TFAM: variants seen among roughly 807,000 people sequenced by gnomAD.
The protein encoded by TFAM is mitochondrial transcription factor 1.
In TFAM, 13 loss-of-function variants were observed where a neutral mutation model predicts 30.6. The ratio of observed to expected loss-of-function variants is 0.42; its 90% CI spans 0.28 to 0.67. The LOEUF (loss-of-function observed/expected upper bound fraction) is 0.67. Among genes scored for constraint, TFAM ranks in the 30% least tolerant of loss-of-function variants. The probability of loss-of-function intolerance (pLI) is 0.21; values close to 1 mark genes in which losing one functional copy is unlikely to be tolerated. For missense variants in TFAM, 231 were observed against 293.7 expected, an observed-to-expected ratio of 0.79 and a Z score of 1.56; for synonymous variants, 106 against 94.8, an observed-to-expected ratio of 1.12 and a Z score of -0.69.
Position 58,397,186 on chromosome 10 carries a change from A to G in TFAM, c.*2112A>G, listed in dbSNP as rs1274193260. On this transcript the variant is annotated 3_prime_UTR_variant, in exon 7 of 7. Transcript: ENST00000487519. ...CTTCAGATGAGCTCAGAGAGCACAT[A>G]GGAGTGTTTGTAATGAGGGGTATGT... The G allele has an allele frequency of 6.6e-6, 1 of 152,246 alleles. No individual in the cohort carries two copies. Among genetic ancestry groups the G allele is most frequent in the Non-Finnish European group, 1.5e-5 (1 of 68,066 alleles). 9.4% of individuals were successfully genotyped at this position (152,246 alleles called of 1,614,324 possible). A position where few individuals can be genotyped will look rare whatever the true frequency, so the allele number is the denominator to read the frequency against.
chr10:58,385,486 T>A lies in TFAM; in HGVS notation c.-62T>A. The A allele has an allele frequency of 7.9e-7, 1 of 1,271,424 alleles. No homozygotes were observed. Among genetic ancestry groups the A allele is most frequent in the Non-Finnish European group, 1.1e-6 (1 of 893,028 alleles). The allele number at this position is 1,271,424 out of a possible 1,614,324, so 78.8% of individuals were successfully genotyped here. Reference sequence around the variant, plus strand: ...CGGGTTCCAGTTGTGATTGCTGGAGTTGTGTATTGCCAGGAGGCTCTCCGA... The same window carrying A: ...CGGGTTCCAGTTGTGATTGCTGGAGATGTGTATTGCCAGGAGGCTCTCCGA... On this transcript the variant is annotated 5_prime_UTR_variant, in exon 1 of 7. In the 5' UTR this introduces an upstream ATG that the reference lacks. Coordinates refer to ENST00000487519, the MANE Select transcript of TFAM (RefSeq NM_003201.3).
intron 2 of TFAM, chr10:58,386,695 T>G: frequency 1.8e-6 from 2 of 1,132,382 alleles, no homozygotes; most frequent in Non-Finnish European, 2.2e-6. Context: ...AGTTGCAACT[T>G]CTGTGGAAGC....
At chr10:58,394,540 T>C (rs868533302) in intron 6 of TFAM, 126 bp downstream of exon 6, 2 of 918,674 alleles carry the variant, frequency 2.2e-6, no homozygotes, top group African/African-American at 1.6e-5. Flanking sequence ...TCTAAAATTA[T>C]TTTCATATTC....
At chr10:58,393,104 C>G (rs1411675634) in intron 5 of TFAM, among the ~76,000 whole-genome samples, 1 of 151,772 alleles carries the variant, frequency 6.6e-6, no homozygotes, top group Non-Finnish European at 1.5e-5. Context: ...CTCAGCCTGC[C>G]TAGTAGCTGG....
rs1399424887 is a variant in TFAM at position 58,397,597 on chromosome 10, C to T, written c.*2523C>T. The stretch of plus-strand genomic sequence containing the variant: ...TTTTTTTCCCCCGACATCCAGAATA[C>T]ACACTGGATCCAAGCCTTTCTTAAA... On this transcript the variant is annotated 3_prime_UTR_variant, in exon 7 of 7. Transcript: ENST00000487519. 3.3e-5 allele frequency: 5 copies of T among 151,932 alleles called. No individual in the cohort carries two copies. The highest frequency in any genetic ancestry group is 7.4e-5 in the Non-Finnish European group (5 of 67,976). The allele number at this position is 151,932 out of a possible 1,614,324, so 9.4% of individuals were successfully genotyped here.
intron 4 of TFAM, among the ~76,000 whole-genome samples, chr10:58,390,062 A>G (rs1024020693): frequency 3.3e-5 from 5 of 152,220 alleles, no homozygotes; most frequent in Admixed American, 6.5e-5. Context: ...AGAAGAAACT[A>G]AATCAGAGGA....
In TFAM at chr10:58,385,615, C is replaced by T. The variant is rs1466004823; in HGVS notation, c.68C>T (p.Thr23Ile). ...GGAAGGTCTGGAGCAGAGCTGTGCA[C>T]CGGCTGTGGAAGTCGACTGCGCTCC... ...ALGRSGAELC[T>I]GCGSRLRSPF... The change falls in exon 1 of 7, where the codon ACC becomes ATC. Residue 23 changes from threonine to isoleucine, a missense_variant. Coordinates refer to ENST00000487519, the MANE Select transcript of TFAM (RefSeq NM_003201.3). 8 of 1,564,476 alleles carry T rather than the reference C, an allele frequency of 5.1e-6. No individual in the cohort carries two copies. Among genetic ancestry groups the T allele is most frequent in the South Asian group, 3.5e-5 (3 of 84,894 alleles).
chr10:58,395,132 A>C lies in TFAM; in HGVS notation c.*58A>C, dbSNP rs534313239. ...AGGCACAGGAAACCAGTTAGGTCTC[A>C]ATACCTGAAGCTATCGTAAAATTAA... On this transcript the variant is annotated 3_prime_UTR_variant, in exon 7 of 7. Transcript: ENST00000487519. 560 of 1,528,346 alleles carry C rather than the reference A, an allele frequency of 3.7e-4. No homozygotes were observed. Among genetic ancestry groups the C allele is most frequent in the Non-Finnish European group, 4.4e-4 (487 of 1,105,206 alleles). The allele number at this position is 1,528,346 out of a possible 1,614,324, so 94.7% of individuals were successfully genotyped here. A position where few individuals can be genotyped will look rare whatever the true frequency, so the allele number is the denominator to read the frequency against.
intron 2 of TFAM, 87 bp from the exon 3 acceptor site, chr10:58,388,102 TA>T: frequency 2.1e-6 from 2 of 954,684 alleles, no homozygotes; most frequent in South Asian, 2.6e-5. Context: ...TTATGTGTGG[TA>T]TGGATTGTGC....
rs202084431 is a variant in TFAM at position 58,396,058 on chromosome 10, GT to G, written c.*993del. Reference sequence around the variant, plus strand: ...AGGAATTGTGTTTATAATTTTAAATGTTTTTTTTTAAAGACTTTTATGATAC... The same window carrying G: ...AGGAATTGTGTTTATAATTTTAAATGTTTTTTTTAAAGACTTTTATGATAC... On this transcript the variant is annotated 3_prime_UTR_variant, in exon 7 of 7. Coordinates refer to ENST00000487519, the MANE Select transcript of TFAM (RefSeq NM_003201.3). 17 of 155,152 alleles carry G rather than the reference GT, an allele frequency of 1.1e-4. No homozygotes were observed. The highest frequency in any genetic ancestry group is 3.8e-4 in the East Asian group (2 of 5,298). 9.6% of individuals were successfully genotyped at this position (155,152 alleles called of 1,614,324 possible).
Position 58,395,016 on chromosome 10 carries a change from A to T in TFAM, c.683A>T (p.Lys228Met). 1 of 1,613,852 alleles carries T rather than the reference A, an allele frequency of 6.2e-7. No homozygotes were observed. The highest frequency in any genetic ancestry group is 8.5e-7 in the Non-Finnish European group (1 of 1,179,794). The change falls in exon 7 of 7, where the codon AAG (lysine) becomes ATG (methionine). Residue 228 changes from lysine (K) to methionine (M), a missense_variant. Lys to Met is a moderately conservative substitution (Grantham distance 95). Transcript: ENST00000487519. Reference sequence around the variant, plus strand: ...GAACAAATGATTGAAGTTGGACGAAAGGATCTTCTACGTCGCACAATAAAG... The same window carrying T: ...GAACAAATGATTGAAGTTGGACGAATGGATCTTCTACGTCGCACAATAAAG... ...WEEQMIEVGRKDLLRRTIKKQ... is the reference protein window; with the variant it reads ...WEEQMIEVGRMDLLRRTIKKQ...
intron 4 of TFAM, 53 bp downstream of exon 4, chr10:58,388,872 A>T: frequency 6.8e-7 from 1 of 1,465,494 alleles, no homozygotes; most frequent in South Asian, 1.2e-5. Flanking sequence ...AGATTTATAT[A>T]ACTATGAATA....
At position 58,395,060 on chromosome 10, in the gene TFAM, G is replaced by C; in HGVS notation, c.727G>C (p.Ala243Pro). Residue 243 changes from alanine (A) to proline (P), a missense_variant, in exon 7 of 7, where the codon GCT becomes CCT. Physicochemically the swap from Ala to Pro is conservative, Grantham distance 27. Coordinates refer to ENST00000487519, the MANE Select transcript of TFAM (RefSeq NM_003201.3). ...AATAAAGAAACAACGAAAATATGGT[G>C]CTGAGGAGTGTTAAAAGTAGAAGAT... is the stretch of plus-strand genomic sequence containing the variant. ...RTIKKQRKYG[A>P]EEC The C allele has an allele frequency of 1.2e-6, 2 of 1,613,508 alleles. No homozygotes were observed. Among genetic ancestry groups the C allele is most frequent in the South Asian group, 2.2e-5 (2 of 91,038 alleles).
intron 1 of TFAM, 32 bp from the exon 2 acceptor site, chr10:58,386,188 A>T: frequency 1.5e-6 from 2 of 1,371,262 alleles, no homozygotes; most frequent in Non-Finnish European, 2.1e-6. Context: ...TAAACATCTG[A>T]CACTGGTTAT....
At chr10:58,393,323 C>T (rs1233945933) in intron 5 of TFAM, among the ~76,000 whole-genome samples, 1 of 152,182 alleles carries the variant, frequency 6.6e-6, no homozygotes, top group Non-Finnish European at 1.5e-5. Flanking sequence ...TGTGTTTAAC[C>T]TTAGCTTCAC....
In TFAM at chr10:58,388,752, A is replaced by C; in HGVS notation, c.374A>C (p.Gln125Pro). Residue 125 changes from glutamine (Q) to proline (P), a missense_variant, in exon 4 of 7, where the codon CAG becomes CCG. Physicochemically the swap from Gln to Pro is moderately conservative, Grantham distance 76 (BLOSUM62 -1). Coordinates refer to ENST00000487519, the MANE Select transcript of TFAM (RefSeq NM_003201.3). ...SRFKEQLTPSQIMSLEKEIMD... is the reference protein window; with the variant it reads ...SRFKEQLTPSPIMSLEKEIMD... The stretch of plus-strand genomic sequence containing the variant: ...TTTAAAGAACAGCTAACTCCAAGTC[A>C]GATTATGTCTTTGGAAAAAGAAATC... 1.2e-6 allele frequency: 2 copies of C among 1,613,614 alleles called. No individual in the cohort carries two copies. Among genetic ancestry groups the C allele is most frequent in the Non-Finnish European group, 1.7e-6 (2 of 1,179,668 alleles).
intron 1 of TFAM, 66 bp from the exon 2 acceptor site, chr10:58,386,154 C>A: frequency 2.0e-6 from 2 of 1,016,288 alleles, no homozygotes; most frequent in South Asian, 1.3e-5. Context: ...GATCTGTGTT[C>A]ATATACATGT....
intron 4 of TFAM, among the ~76,000 whole-genome samples, chr10:58,390,032 AGT>A (rs1840562366): frequency 6.6e-6 from 1 of 152,230 alleles, no homozygotes; most frequent in African/African-American, 2.4e-5. Context: ...TTCAATACTC[AGT>A]GACTGAGAGA....
intron 5 of TFAM, among the ~76,000 whole-genome samples, 156 bp downstream of exon 5, chr10:58,391,016 T>C (rs538427227): frequency 2.6e-5 from 4 of 152,302 alleles, no homozygotes; most frequent in African/African-American, 9.6e-5. Flanking sequence ...TTTCTTACCA[T>C]ATACAATCAA....
Sources: allele counts gnomAD v4.1 joint callset (sites outside exome capture counted in the v4.1 genomes callset), GRCh38; gene constraint gnomAD v4.1.1; transcripts MANE v1.5; gene names NCBI Gene and HGNC (gene_info 2026-07-23, HGNC 2026-07-21).